Variants in CDK14 observed in about 807,000 individuals in gnomAD.
CDK14 encodes the protein cyclin-dependent kinase 14.
Under a neutral mutation model 60.7 loss-of-function variants are expected in CDK14, and 34 were observed. The ratio of observed to expected loss-of-function variants is 0.56; its 90% CI spans 0.43 to 0.75. The LOEUF is 0.75. Among genes scored for constraint, CDK14 ranks in the 30% least tolerant of loss-of-function variants. The pLI, the probability that CDK14 is intolerant of heterozygous loss-of-function variation, is 0.00. For missense variants in CDK14, 482 were observed against 564.1 expected (o/e 0.85, Z 1.47); for synonymous variants, 197 against 203.7 (o/e 0.97, Z 0.28).
intron 10 of CDK14, among the ~76,000 whole-genome samples, chr7:91,015,579 G>C (rs1376350514): frequency 1.5e-5 from 2 of 137,116 alleles, no homozygotes; most frequent in African/African-American, 5.5e-5. Flanking sequence ...CCAGGCTGGA[G>C]TGCAGTGGCA....
intron 12 of CDK14, among the ~76,000 whole-genome samples, chr7:91,090,092 T>C (rs143370091): frequency 0.01 from 1,554 of 152,322 alleles, 16 homozygotes; most frequent in Non-Finnish European, 0.014. Context: ...AGGGACATTT[T>C]CTGTTCAGAG....
intron 3 of CDK14, among the ~76,000 whole-genome samples, chr7:90,732,449 G>A (rs1802906319): frequency 6.6e-6 from 1 of 152,084 alleles, no homozygotes; most frequent in African/African-American, 2.4e-5. Flanking sequence ...GGTAGAATTC[G>A]GCTGTGAATC....
intron 5 of CDK14, among the ~76,000 whole-genome samples, chr7:90,816,285 C>T (rs922106490): frequency 6.6e-6 from 1 of 152,146 alleles, no homozygotes; most frequent in Non-Finnish European, 1.5e-5. Flanking sequence ...AACACCACCA[C>T]CAGTTTGGCT....
intron 14 of CDK14, among the ~76,000 whole-genome samples, chr7:91,172,552 A>C (rs988211876): frequency 2.6e-5 from 4 of 152,222 alleles, no homozygotes; most frequent in African/African-American, 9.6e-5. Flanking sequence ...CCTGATTAGA[A>C]ATGTTCCAGT....
intron 1 of CDK14, among the ~76,000 whole-genome samples, chr7:90,599,696 A>G (rs890726366): frequency 1.3e-5 from 2 of 152,258 alleles, no homozygotes; most frequent in South Asian, 2.1e-4. Flanking sequence ...TGAATAATCC[A>G]CACTGCAACA....
intron 4 of CDK14, among the ~76,000 whole-genome samples, chr7:90,767,622 A>G (rs1186549177): frequency 6.6e-6 from 1 of 152,156 alleles, no homozygotes; most frequent in Non-Finnish European, 1.5e-5. Flanking sequence ...ACTTCAGCCC[A>G]AGATTTGATG....
intron 6 of CDK14, among the ~76,000 whole-genome samples, chr7:90,866,094 A>G (rs1370991694): frequency 6.6e-6 from 1 of 152,140 alleles, no homozygotes; most frequent in Non-Finnish European, 1.5e-5. Context: ...TAAGTTTTGT[A>G]GATTGGCCAA....
At chr7:90,805,416 A>G (rs1788785530) in intron 5 of CDK14, among the ~76,000 whole-genome samples, 1 of 134,462 alleles carries the variant, frequency 7.4e-6, no homozygotes, top group Admixed American at 8.0e-5. Flanking sequence ...ACAAACTTTG[A>G]ATAGAAAGGA....
intron 4 of CDK14, among the ~76,000 whole-genome samples, chr7:90,751,759 A>G (rs968861310): frequency 3.3e-5 from 5 of 152,192 alleles, no homozygotes; most frequent in African/African-American, 1.2e-4. Flanking sequence ...AACAAGACCT[A>G]TCTCTCTGCT....
intron 11 of CDK14, among the ~76,000 whole-genome samples, chr7:91,068,501 ATTGAG>A (rs1338503075): frequency 6.6e-6 from 1 of 152,176 alleles, no homozygotes; most frequent in Non-Finnish European, 1.5e-5. Flanking sequence ...CCAAATAATA[ATTGAG>A]TTGTGTGTGA....
At chr7:91,062,376 G>A (rs954497746) in intron 11 of CDK14, among the ~76,000 whole-genome samples, 3 of 152,014 alleles carry the variant, frequency 2.0e-5, no homozygotes, top group East Asian at 1.9e-4. Context: ...TACCTGCTTC[G>A]GCTCACACTC....
chr7:90,791,635 C>G (rs1478255703), intron 5 of CDK14, among the ~76,000 whole-genome samples: 1 of 152,134 alleles, frequency 6.6e-6, no homozygotes, highest in Non-Finnish European at 1.5e-5. Flanking sequence ...TATTTCTACT[C>G]TCTCACCTCT....
intron 13 of CDK14, among the ~76,000 whole-genome samples, chr7:91,115,020 T>A (rs1344985388): frequency 6.6e-6 from 1 of 152,184 alleles, no homozygotes; most frequent in Non-Finnish European, 1.5e-5. Context: ...CTTGTAAAAG[T>A]TCACCATCTG....
intron 8 of CDK14, among the ~76,000 whole-genome samples, chr7:90,952,819 A>G (rs1794301681): frequency 6.6e-6 from 1 of 152,216 alleles, no homozygotes; most frequent in Admixed American, 6.5e-5. Context: ...ATGCTGTGCT[A>G]ATTAATCCTG....
intron 2 of CDK14, among the ~76,000 whole-genome samples, chr7:90,712,338 C>T (rs1339325322): frequency 6.6e-6 from 1 of 151,920 alleles, no homozygotes; most frequent in Admixed American, 6.6e-5. Flanking sequence ...TCTTATTCTA[C>T]TTTCTGTGTC....
chr7:90,696,261 G>A (rs1321539331), intron 2 of CDK14, among the ~76,000 whole-genome samples: 1 of 151,946 alleles, frequency 6.6e-6, no homozygotes, highest in Admixed American at 6.6e-5. Flanking sequence ...TGAGATGGGG[G>A]AATATCGGAA....
chr7:91,088,968 G>C (rs951809459), intron 12 of CDK14, among the ~76,000 whole-genome samples: 3 of 152,046 alleles, frequency 2.0e-5, no homozygotes, highest in Non-Finnish European at 4.4e-5. Context: ...TGTGTTTATG[G>C]CACAACTATT....
intron 14 of CDK14, among the ~76,000 whole-genome samples, chr7:91,162,743 TTAAA>T (rs1801210882): frequency 6.6e-6 from 1 of 152,204 alleles, no homozygotes; most frequent in Non-Finnish European, 1.5e-5. Context: ...GAGGATTACA[TTAAA>T]TAGATTGAAT....
chr7:90,801,342 T>A (rs1788624665), intron 5 of CDK14, among the ~76,000 whole-genome samples: 1 of 152,254 alleles, frequency 6.6e-6, no homozygotes, highest in Non-Finnish European at 1.5e-5. Context: ...TTTTTGTTTC[T>A]CTCCATATAG....
Sources: allele counts gnomAD v4.1 joint callset (sites outside exome capture counted in the v4.1 genomes callset), GRCh38; gene constraint gnomAD v4.1.1; transcripts MANE v1.5; gene names NCBI Gene and HGNC (gene_info 2026-07-23, HGNC 2026-07-21).